Variants in QSOX2 observed in about 807,000 individuals in gnomAD.
QSOX2 encodes the protein quiescin sulfhydryl oxidase 2, also known as sulfhydryl oxidase 2.
In QSOX2, 46 loss-of-function variants were observed where a neutral mutation model predicts 61.7. That is an observed-to-expected ratio of 0.75 (90% CI 0.59 to 0.95). The LOEUF (loss-of-function observed/expected upper bound fraction) is 0.95. Ranked by LOEUF, QSOX2 falls within the 40% of genes least tolerant of loss-of-function variation. The pLI, the probability that QSOX2 is intolerant of heterozygous loss-of-function variation, is 0.00. For missense variants in QSOX2, 879 were observed against 918.9 expected (o/e 0.96, Z 0.56); for synonymous variants, 383 against 388.4 (o/e 0.99, Z 0.16).
chr9:136,225,352 C>A (rs1830269484), intron 2 of QSOX2, among the ~76,000 whole-genome samples: 1 of 152,184 alleles, frequency 6.6e-6, no homozygotes, highest in Admixed American at 6.5e-5. Context: ...TAAAAACTTT[C>A]TTCATCAAAG....
intron 10 of QSOX2, 77 bp downstream of exon 10, chr9:136,215,077 A>G: frequency 1.3e-6 from 2 of 1,527,554 alleles, no homozygotes; most frequent in Non-Finnish European, 8.8e-7. Flanking sequence ...ACAGCAGTAC[A>G]TGCCTTTGCA....
At chr9:136,218,958 C>G (rs551924895) in intron 7 of QSOX2, 72 bp downstream of exon 7, 1 of 1,585,256 alleles carries the variant, frequency 6.3e-7, no homozygotes. Context: ...TGAGTAAACC[C>G]GCCCTGCAAG....
rs989677542 is a variant in QSOX2 at position 136,221,529 on chromosome 9, G to A, written c.821+267C>T. ...CTCATGCATGTGCTGGTTTAGCCAC[G>A]GTTTCCTCTGCGACTCTTGGTAAGT... On this transcript the variant is annotated intron_variant, in intron 6 of 11. Coordinates refer to ENST00000358701, the MANE Select transcript of QSOX2 (RefSeq NM_181701.4). The surrounding 1 kb of genome is among the most constrained non-coding windows in gnomAD (Gnocchi z 4.5). Among the ~76,000 whole-genome samples the A allele has an allele frequency of 3.9e-5, 6 of 152,222 alleles. No individual in the cohort carries two copies. The highest frequency in any genetic ancestry group is 7.3e-5 in the Non-Finnish European group (5 of 68,042).
intron 8 of QSOX2, among the ~76,000 whole-genome samples, chr9:136,217,322 CTG>C (rs976839472): frequency 1.3e-5 from 2 of 152,188 alleles, no homozygotes; most frequent in African/African-American, 2.4e-5. Flanking sequence ...GCACCACAAA[CTG>C]TGCAAAACAT....
At chr9:136,219,483 C>T (rs1217594204) in intron 6 of QSOX2, among the ~76,000 whole-genome samples, 1 of 152,228 alleles carries the variant, frequency 6.6e-6, no homozygotes, top group Non-Finnish European at 1.5e-5. Context: ...GAGCTTTATT[C>T]TGACTGCGAT....
intron 6 of QSOX2, among the ~76,000 whole-genome samples, chr9:136,219,906 G>A (rs1831960844): frequency 1.3e-5 from 2 of 152,264 alleles, no homozygotes; most frequent in South Asian, 2.1e-4. Context: ...GTGCAGTGCT[G>A]TGCCCCAGGC....
rs1830304926 is a variant in QSOX2 at position 136,228,777 on chromosome 9, G to GA, written c.329-1904dup. On this transcript the variant is annotated intron_variant, in intron 1 of 11. Coordinates refer to ENST00000358701, the MANE Select transcript of QSOX2 (RefSeq NM_181701.4). ...AGCCCAGTGATTTCTGAACGGGAGG[G>GA]AACGTTATGTCTGCCTGTCACTGAG... 2.0e-5 allele frequency among the ~76,000 whole-genome samples: 3 copies of GA among 152,372 alleles called. No individual in the cohort carries two copies. In the South Asian group the frequency reaches 6.2e-4, roughly 32 times the overall value.
rs753201873 is a variant in QSOX2 at position 136,219,019 on chromosome 9, G to C, written c.956+11C>G. On this transcript the variant is annotated intron_variant, in intron 7 of 11. Transcript: ENST00000358701. ...TGTCTCCGGGGGCTTCAGTTCAAGA[G>C]GAACACTTGCTTGTCAAATTCTCTC... is the stretch of plus-strand genomic sequence containing the variant. 1.9e-6 allele frequency: 3 copies of C among 1,613,862 alleles called. No homozygotes were observed. Among genetic ancestry groups the C allele is most frequent in the Non-Finnish European group, 2.5e-6 (3 of 1,179,874 alleles).
chr9:136,210,625 G>C (rs1459563687), intron 11 of QSOX2: 2 of 985,308 alleles, frequency 2.0e-6, no homozygotes, highest in African/African-American at 3.5e-5. Context: ...TCAGGGCAAA[G>C]AAAAACCAAT....
At chr9:136,234,371 C>G (rs1830359084) in intron 1 of QSOX2, among the ~76,000 whole-genome samples, 1 of 152,160 alleles carries the variant, frequency 6.6e-6, no homozygotes. Context: ...GCTGGCACCC[C>G]CAGCCCGCAA....
At chr9:136,218,847 T>C in intron 7 of QSOX2, 39 bp from the exon 8 acceptor site, 1 of 1,603,164 alleles carries the variant, frequency 6.2e-7, no homozygotes, top group Non-Finnish European at 8.5e-7. Flanking sequence ...ATGCCCAACC[T>C]TTCCCTCCAC....
At chr9:136,212,356 C>T (rs567930928) in intron 10 of QSOX2, among the ~76,000 whole-genome samples, 77 of 152,372 alleles carry the variant, frequency 5.1e-4, no homozygotes, top group South Asian at 3.9e-3. Flanking sequence ...GACATGCTTT[C>T]GCGAATGAAT....
rs1302484561 is a variant in QSOX2, at chr9:136,208,983, T to C, written c.1842A>G (p.Ala614=). 5.0e-6 allele frequency: 8 copies of C among 1,613,630 alleles called. No homozygotes were observed. Among genetic ancestry groups the C allele is most frequent in the Non-Finnish European group, 6.8e-6 (8 of 1,179,728 alleles). ...CTGGAAGGGCAGGCCTGGGGCCCAG[T>C]GCACCAGGTGGACGGACGCTCTGGG... is the stretch of plus-strand genomic sequence containing the variant. ...RDTQSVRPPG[A]LGPRPALPES... The change falls in exon 12 of 12, where the codon GCA becomes GCG. Residue 614 remains alanine, a synonymous_variant. Transcript: ENST00000358701.
Position 136,208,601 on chromosome 9 carries a change from G to A in QSOX2, c.*127C>T, listed in dbSNP as rs1048310758. On this transcript the variant is annotated 3_prime_UTR_variant, in exon 12 of 12. Coordinates refer to ENST00000358701, the MANE Select transcript of QSOX2 (RefSeq NM_181701.4). ...AACCAGGACTTTGAAGCCAAAAGGTGCCATCCGATGTGAAACCAGGCCCGC... is the reference window on the plus strand; with the variant it reads ...AACCAGGACTTTGAAGCCAAAAGGTACCATCCGATGTGAAACCAGGCCCGC... The A allele has an allele frequency of 1.3e-5, 15 of 1,114,190 alleles. No individual in the cohort carries two copies. In the Admixed American group the frequency reaches 4.5e-4, roughly 34 times the overall value. The allele number at this position is 1,114,190 out of a possible 1,614,324, so 69.0% of individuals were successfully genotyped here.
At chr9:136,215,889 G>T (rs1049476931) in intron 9 of QSOX2, among the ~76,000 whole-genome samples, 1 of 152,238 alleles carries the variant, frequency 6.6e-6, no homozygotes, top group Admixed American at 6.5e-5. Flanking sequence ...TCGCAGTCAC[G>T]TGAGAGTGCT....
intron 2 of QSOX2, 146 bp downstream of exon 2, chr9:136,226,628 C>A (rs1371673138): frequency 1.4e-6 from 1 of 740,556 alleles, no homozygotes; most frequent in Non-Finnish European, 2.5e-6. Context: ...ACAATTCCTA[C>A]GAAGTTCCAA....
intron 1 of QSOX2, among the ~76,000 whole-genome samples, chr9:136,232,035 G>A (rs1216645332): frequency 6.6e-6 from 1 of 152,182 alleles, no homozygotes; most frequent in Admixed American, 6.5e-5. Context: ...GGAGGCAGAG[G>A]AAACTAAGGA....
intron 7 of QSOX2, 36 bp from the exon 8 acceptor site, chr9:136,218,844 A>G: frequency 1.2e-6 from 2 of 1,603,526 alleles, no homozygotes; most frequent in Non-Finnish European, 1.7e-6. Flanking sequence ...GGAATGCCCA[A>G]CCTTTCCCTC....
At chr9:136,212,331 T>C (rs1831856460) in intron 10 of QSOX2, among the ~76,000 whole-genome samples, 1 of 152,130 alleles carries the variant, frequency 6.6e-6, no homozygotes, top group Non-Finnish European at 1.5e-5. Flanking sequence ...AGATTACATG[T>C]CAGCATTAAA....
Sources: gnomAD v4.1 joint callset for allele counts (sites outside exome capture counted in the v4.1 genomes callset) on GRCh38, gnomAD v4.1.1 for gene constraint, Gnocchi (gnomAD v3.1) non-coding constraint, MANE v1.5 for transcripts, NCBI Gene and HGNC (gene_info 2026-07-23, HGNC 2026-07-21) for gene names.